Variants in TWIST2 observed in about 807,000 individuals in gnomAD.
The protein encoded by TWIST2 is twist family bHLH transcription factor 2.
Under a neutral mutation model 11.6 loss-of-function variants are expected in TWIST2, and 1 was observed. The ratio of observed to expected loss-of-function variants is 0.09; its 90% confidence interval spans 0.03 to 0.41. The LOEUF is 0.41. Ranked by LOEUF, TWIST2 falls within the 10% of genes least tolerant of loss-of-function variation. The pLI, the probability that TWIST2 is intolerant of heterozygous loss-of-function variation, is 0.98. For missense variants in TWIST2, 168 were observed against 226.4 expected (o/e 0.74, Z 1.66); for synonymous variants, 87 against 96.6 (o/e 0.90, Z 0.58).
chr2:238,908,834 GGTGTGTGTGAT>G (rs1240844313), intron 1 of TWIST2, among the ~76,000 whole-genome samples: 2 of 137,632 alleles, frequency 1.5e-5, no homozygotes. Flanking sequence ...TGTGGTGTGT[GGTGTGTGTGAT>G]GTGTTTGTGT....
At chr2:238,896,069 C>G (rs965614145) in intron 1 of TWIST2, among the ~76,000 whole-genome samples, 4 of 152,284 alleles carry the variant, frequency 2.6e-5, no homozygotes, top group African/African-American at 9.6e-5. Context: ...TAAATATGGT[C>G]ATTCCCACAT....
intron 1 of TWIST2, among the ~76,000 whole-genome samples, chr2:238,871,216 A>C (rs1319222006): frequency 2.5e-4 from 1 of 4,048 alleles, no homozygotes; most frequent in African/African-American, 1.5e-3. Flanking sequence ...CACAAACCAC[A>C]CCCCCCCACA....
intron 1 of TWIST2, among the ~76,000 whole-genome samples, chr2:238,895,260 A>T (rs1693193577): frequency 1.3e-5 from 2 of 152,214 alleles, no homozygotes; most frequent in Admixed American, 1.3e-4. Context: ...GGCTTAGCTG[A>T]CTTGCGTTCT....
intron 1 of TWIST2, among the ~76,000 whole-genome samples, chr2:238,908,722 G>GTT (rs1693398086): frequency 5.9e-5 from 9 of 151,592 alleles, no homozygotes; most frequent in African/African-American, 1.9e-4. Flanking sequence ...TGTGCAGTGT[G>GTT]TGTGTGGGTA....
intron 1 of TWIST2, among the ~76,000 whole-genome samples, chr2:238,886,211 T>C (rs1041929430): frequency 2.0e-5 from 3 of 152,086 alleles, no homozygotes; most frequent in African/African-American, 7.2e-5. Context: ...CCTGACCCTC[T>C]ACTGGGCTCT....
intron 1 of TWIST2, among the ~76,000 whole-genome samples, chr2:238,885,048 C>T (rs377523570): frequency 2.6e-5 from 4 of 152,330 alleles, no homozygotes; most frequent in African/African-American, 9.6e-5. Flanking sequence ...GGGTGGGGGT[C>T]AGCCCTGGTC....
chr2:238,853,621 A>G (rs753070286), intron 1 of TWIST2, among the ~76,000 whole-genome samples: 3 of 152,230 alleles, frequency 2.0e-5, no homozygotes, highest in Non-Finnish European at 4.4e-5. Flanking sequence ...TGATTTGGAA[A>G]TGAGGGCGGT....
intron 1 of TWIST2, chr2:238,886,764 G>C (rs1693046125): frequency 6.6e-6 from 1 of 152,100 alleles, no homozygotes; most frequent in Non-Finnish European, 1.5e-5. Flanking sequence ...AGTAACAAGA[G>C]ACTCTTCCCA....
chr2:238,892,058 G>T, intron 1 of TWIST2, among the ~76,000 whole-genome samples: 1 of 152,170 alleles, frequency 6.6e-6, no homozygotes, highest in East Asian at 1.9e-4. Context: ...TGTGTTCTCT[G>T]TTATGTGCCG....
At chr2:238,888,422 GA>G (rs1693078286) in intron 1 of TWIST2, among the ~76,000 whole-genome samples, 2 of 152,162 alleles carry the variant, frequency 1.3e-5, no homozygotes, top group Non-Finnish European at 2.9e-5. Context: ...TCTATTTATT[GA>G]CAAAGCTTGA....
chr2:238,887,008 C>G (rs1693049675), intron 1 of TWIST2: 1 of 151,862 alleles, frequency 6.6e-6, no homozygotes, highest in Admixed American at 6.5e-5. Flanking sequence ...GTTGTTTTTT[C>G]AAGTTCAGAA....
intron 1 of TWIST2, among the ~76,000 whole-genome samples, chr2:238,870,568 C>CA (rs1692658997): frequency 6.9e-5 from 1 of 14,442 alleles, no homozygotes; most frequent in African/African-American, 2.5e-4. Flanking sequence ...ACACCACACA[C>CA]CACACACCAC....
intron 1 of TWIST2, among the ~76,000 whole-genome samples, chr2:238,908,913 A>G (rs1693402664): frequency 7.2e-6 from 1 of 138,330 alleles, no homozygotes; most frequent in Non-Finnish European, 1.5e-5. Flanking sequence ...GTGTTTGTGT[A>G]TGTGGCAGTG....
At chr2:238,896,562 C>T (rs1693210087) in intron 1 of TWIST2, among the ~76,000 whole-genome samples, 1 of 152,206 alleles carries the variant, frequency 6.6e-6, no homozygotes. Context: ...TCCTGAGCCA[C>T]ATGTCTCAAA....
chr2:238,895,676 C>A (rs1033326117), intron 1 of TWIST2, among the ~76,000 whole-genome samples: 6 of 152,174 alleles, frequency 3.9e-5, no homozygotes, highest in African/African-American at 2.4e-5. Flanking sequence ...GAAGGTCTCG[C>A]AGAGAGGAAG....
At chr2:238,869,679 C>T (rs1331042019) in intron 1 of TWIST2, among the ~76,000 whole-genome samples, 2 of 152,350 alleles carry the variant, frequency 1.3e-5, no homozygotes, top group Non-Finnish European at 2.9e-5. Context: ...GTTGCCTACT[C>T]ATGCCTGCAG....
intron 1 of TWIST2, among the ~76,000 whole-genome samples, chr2:238,881,822 T>G (rs1370578461): frequency 6.6e-6 from 1 of 152,144 alleles, no homozygotes; most frequent in African/African-American, 2.4e-5. Flanking sequence ...CACTTGGCCT[T>G]TAGATGGGAA....
At chr2:238,857,968 C>T (rs1270906270) in intron 1 of TWIST2, among the ~76,000 whole-genome samples, 1 of 152,114 alleles carries the variant, frequency 6.6e-6, no homozygotes, top group Non-Finnish European at 1.5e-5. Flanking sequence ...AGCAAACCAA[C>T]ACCATTACAT....
chr2:238,856,657 C>T (rs1692333406), intron 1 of TWIST2, among the ~76,000 whole-genome samples: 1 of 152,090 alleles, frequency 6.6e-6, no homozygotes. Context: ...AGAATAGGTC[C>T]CATTCTGTAT....
Sources: allele counts gnomAD v4.1 joint callset (sites outside exome capture counted in the v4.1 genomes callset), GRCh38; gene constraint gnomAD v4.1.1; transcripts MANE v1.5; gene names NCBI Gene and HGNC (gene_info 2026-07-23, HGNC 2026-07-21).